OCLN: variants seen among roughly 807,000 people sequenced by gnomAD.
OCLN encodes the protein phosphatase 1, regulatory subunit 115.
A neutral mutation model predicts 47.9 loss-of-function variants in OCLN; 21 were observed. The observed-to-expected ratio is 0.44, with a 90% CI of 0.31 to 0.63. The LOEUF is 0.63. Among genes scored for constraint, OCLN ranks in the 30% least tolerant of loss-of-function variants. OCLN has a pLI of 0.08. For missense variants in OCLN, 360 were observed against 571.0 expected, an observed-to-expected ratio of 0.63 and a Z score of 3.77; for synonymous variants, 117 against 198.4, an observed-to-expected ratio of 0.59 and a Z score of 3.45.
At chr5:69,548,541 C>T (rs938641425) in intron 7 of OCLN, among the ~76,000 whole-genome samples, 2 of 147,988 alleles carry the variant, frequency 1.4e-5, no homozygotes, top group East Asian at 2.1e-4. Flanking sequence ...AGGATGGTCT[C>T]GATCTCCTGA....
intron 1 of OCLN, among the ~76,000 whole-genome samples, chr5:69,501,718 A>G (rs1366378247): frequency 1.3e-5 from 2 of 152,166 alleles, no homozygotes; most frequent in Non-Finnish European, 2.9e-5. Context: ...TCTCTATGGT[A>G]TACTTTAAAA....
intron 1 of OCLN, among the ~76,000 whole-genome samples, chr5:69,497,374 G>T (rs1338331700): frequency 1.4e-5 from 2 of 147,892 alleles, no homozygotes; most frequent in African/African-American, 4.9e-5. Context: ...CTTAAGACAT[G>T]GTTTTTCTAG....
At chr5:69,546,993 G>T (rs1769728646) in intron 6 of OCLN, among the ~76,000 whole-genome samples, 1 of 147,272 alleles carries the variant, frequency 6.8e-6, no homozygotes, top group Non-Finnish European at 1.5e-5. Context: ...CTGGTATATT[G>T]AGAAATAGAT....
chr5:69,525,046 A>G (rs528422773), intron 4 of OCLN, among the ~76,000 whole-genome samples: 1 of 152,080 alleles, frequency 6.6e-6, no homozygotes, highest in East Asian at 1.9e-4. Context: ...TCTCTTGGCT[A>G]TGTACCTAAG....
intron 1 of OCLN, among the ~76,000 whole-genome samples, chr5:69,502,680 G>A (rs1033687805): frequency 1.3e-5 from 2 of 152,186 alleles, no homozygotes; most frequent in African/African-American, 4.8e-5. Context: ...AGCTGATGTG[G>A]GAAGTACCTT....
At chr5:69,515,996 G>A (rs1440820651) in intron 4 of OCLN, among the ~76,000 whole-genome samples, 1 of 149,132 alleles carries the variant, frequency 6.7e-6, no homozygotes, top group Admixed American at 6.7e-5. Flanking sequence ...GGGCAGAGAC[G>A]CTCCTCACTT....
intron 4 of OCLN, among the ~76,000 whole-genome samples, chr5:69,514,977 C>G (rs1768888734): frequency 6.6e-6 from 1 of 152,342 alleles, no homozygotes; most frequent in South Asian, 2.1e-4. Flanking sequence ...CCCCGCCTTT[C>G]CCCCCTTTCT....
chr5:69,527,209 G>A (rs568613262), intron 4 of OCLN, among the ~76,000 whole-genome samples: 31 of 152,136 alleles, frequency 2.0e-4, no homozygotes, highest in Middle Eastern at 3.4e-3. Context: ...CCCAGGAGAC[G>A]GTGGTTGCAG....
intron 4 of OCLN, among the ~76,000 whole-genome samples, chr5:69,533,984 T>C (rs1193138580): frequency 6.6e-6 from 1 of 152,036 alleles, no homozygotes; most frequent in South Asian, 2.1e-4. Flanking sequence ...TTCTAATGCA[T>C]GTTACTTTTG....
At chr5:69,517,316 T>TATA (rs1561341135) in intron 4 of OCLN, among the ~76,000 whole-genome samples, 2 of 33,044 alleles carry the variant, frequency 6.1e-5, no homozygotes, top group South Asian at 8.0e-4. Context: ...ATATATATAT[T>TATA]TTTTTTTTTT....
In OCLN at chr5:69,504,903, C is replaced by G. The variant is rs374144041; in HGVS notation, c.50+609C>G. ...CCAGGAGGTGGAGGTTGCAGTGAGC[C>G]GAGATCACGCCACTGCACTCCAGCC... On this transcript the variant is annotated intron_variant, in intron 2 of 8. Transcript: ENST00000396442. Among the ~76,000 whole-genome samples, 3 of 147,246 alleles carry G rather than the reference C, an allele frequency of 2.0e-5. No homozygotes were observed. The Admixed American group carries it at 2.0e-4, about 10-fold the overall frequency.
At chr5:69,512,654 A>G (rs1286183110) in intron 3 of OCLN, among the ~76,000 whole-genome samples, 2 of 152,198 alleles carry the variant, frequency 1.3e-5, no homozygotes, top group Non-Finnish European at 2.9e-5. Flanking sequence ...TCATCTTTAC[A>G]ATTACAAGTC....
At chr5:69,548,874 T>A (rs567655920) in intron 7 of OCLN, among the ~76,000 whole-genome samples, 1 of 150,838 alleles carries the variant, frequency 6.6e-6, no homozygotes, top group Non-Finnish European at 1.5e-5. Context: ...ACAGGAGAAT[T>A]GCTTGAACCT....
chr5:69,492,709 T>A (rs1048937364), upstream of OCLN: 2 of 152,542 alleles, frequency 1.3e-5, no homozygotes, highest in Non-Finnish European at 2.9e-5. Flanking sequence ...CCTTCCACGT[T>A]GGTGCGCATG....
At chr5:69,533,582 C>T (rs1022976947) in intron 4 of OCLN, among the ~76,000 whole-genome samples, 12 of 152,244 alleles carry the variant, frequency 7.9e-5, no homozygotes, top group African/African-American at 2.2e-4. Flanking sequence ...AATGCCTCTC[C>T]GGGCCTGATA....
chr5:69,510,613 G>A (rs1768753303), intron 3 of OCLN, among the ~76,000 whole-genome samples: 1 of 152,166 alleles, frequency 6.6e-6, no homozygotes, highest in Non-Finnish European at 1.5e-5. Context: ...GAACCCGGGA[G>A]GCGGAGCTTG....
At chr5:69,496,595 G>C (rs1040794971) in intron 1 of OCLN, among the ~76,000 whole-genome samples, 1 of 136,502 alleles carries the variant, frequency 7.3e-6, no homozygotes, top group African/African-American at 3.0e-5. Flanking sequence ...GATAGATAAC[G>C]GAGTCTTACT....
intron 2 of OCLN, among the ~76,000 whole-genome samples, chr5:69,507,756 C>T (rs930986923): frequency 3.3e-5 from 5 of 151,888 alleles, no homozygotes; most frequent in Middle Eastern, 3.4e-3. Flanking sequence ...CAAGCACACA[C>T]CACCACGCCC....
At chr5:69,548,459 G>A (rs1258388985) in intron 7 of OCLN, among the ~76,000 whole-genome samples, 1 of 149,842 alleles carries the variant, frequency 6.7e-6, no homozygotes, top group Non-Finnish European at 1.5e-5. Flanking sequence ...GATTACAGGT[G>A]CCTGCCACCA....
Sources: allele counts gnomAD v4.1 joint callset (sites outside exome capture counted in the v4.1 genomes callset), GRCh38; gene constraint gnomAD v4.1.1; transcripts MANE v1.5; gene names NCBI Gene and HGNC (gene_info 2026-07-23, HGNC 2026-07-21).